Variants in PABPC1 observed in about 807,000 individuals in gnomAD.
PABPC1 encodes poly(A) binding protein cytoplasmic 1, also known as polyadenylate-binding protein 1.
In PABPC1, 4 loss-of-function variants were observed where a neutral mutation model predicts 74.0. The observed-to-expected ratio is 0.05, with a 90% CI of 0.03 to 0.12. PABPC1 has a LOEUF of 0.12. Ranked by LOEUF, PABPC1 falls within the 10% of genes least tolerant of loss-of-function variation. The pLI, the probability that PABPC1 is intolerant of heterozygous loss-of-function variation, is 1.00. For synonymous variants in PABPC1, 227 were observed against 264.1 expected (o/e 0.86, Z 1.36); for missense variants, 271 against 821.1 (o/e 0.33, Z 8.19).
rs1290425157 is a variant in PABPC1, at chr8:100,712,431, A to G, written c.903T>C (p.Leu301=). ...GACGTTCATCATCAATACCATCATCAAGATTTTTCACATAAAGATTAACAC... is the reference window on the plus strand; with the variant it reads ...GACGTTCATCATCAATACCATCATCGAGATTTTTCACATAAAGATTAACAC... The part of the protein sequence containing the change: ...YQGVNLYVKN[L]DDGIDDERLR... Residue 301 remains leucine, a synonymous_variant, in exon 7 of 15, where the codon CTT becomes CTC. Transcript: ENST00000318607. 2.5e-6 allele frequency: 4 copies of G among 1,609,468 alleles called. No individual in the cohort carries two copies. The highest frequency in any genetic ancestry group is 3.4e-6 in the Non-Finnish European group (4 of 1,177,324).
intron 11 of PABPC1, 137 bp downstream of exon 11, chr8:100,706,514 T>C (rs1810382537): frequency 3.1e-6 from 2 of 649,132 alleles, no homozygotes; most frequent in South Asian, 3.5e-5. Context: ...CCCAAACTCC[T>C]GGTCTCAAGC....
At chr8:100,720,706 G>A (rs1810798980) in intron 1 of PABPC1, among the ~76,000 whole-genome samples, 1 of 152,170 alleles carries the variant, frequency 6.6e-6, no homozygotes, top group Non-Finnish European at 1.5e-5. Context: ...TTTAATGTTA[G>A]AGAAATGCTT....
Position 100,715,154 on chromosome 8 carries a change from CACACAT to C in PABPC1, c.643+302_643+307del, listed in dbSNP as rs1272731915. Among the ~76,000 whole-genome samples the C allele has an allele frequency of 2.5e-3, 199 of 78,784 alleles. 1 individual carries two copies. The highest frequency in any genetic ancestry group is 5.4e-3 in the African/African-American group (136 of 25,270). 51.7% of individuals were successfully genotyped at this position (78,784 alleles called of 152,430 possible). A position where few individuals can be genotyped will look rare whatever the true frequency, so the allele number is the denominator to read the frequency against. Reference sequence around the variant, plus strand: ...ACACACACACACACACACACACACACACACATATATATCTCCAGCCTCTTAATGTAG... The same window carrying C: ...ACACACACACACACACACACACACACATATATCTCCAGCCTCTTAATGTAG... On this transcript the variant is annotated intron_variant, in intron 4 of 14. Coordinates refer to ENST00000318607, the MANE Select transcript of PABPC1 (RefSeq NM_002568.4).
At chr8:100,714,705 G>A (rs1233176617) in intron 4 of PABPC1, among the ~76,000 whole-genome samples, 1 of 151,908 alleles carries the variant, frequency 6.6e-6, no homozygotes. Context: ...CTCCAGCCCG[G>A]GTGACAGAGC....
chr8:100,703,112 CATTA>C lies in PABPC1; in HGVS notation c.*245_*248del, dbSNP rs1211075818. The C allele has an allele frequency of 6.1e-6, 1 of 164,896 alleles. No homozygotes were observed. Among genetic ancestry groups the C allele is most frequent in the Non-Finnish European group, 1.5e-5 (1 of 68,132 alleles). The allele number at this position is 164,896 out of a possible 1,614,324, so 10.2% of individuals were successfully genotyped here. A position where few individuals can be genotyped will look rare whatever the true frequency, so the allele number is the denominator to read the frequency against. Reference sequence around the variant, plus strand: ...ATTCTTTTTCCCAGGGTCTATAAAACATTAATTTGTTTTTATATTTTACTATTTT... The same window carrying C: ...ATTCTTTTTCCCAGGGTCTATAAAACATTTGTTTTTATATTTTACTATTTT... On this transcript the variant is annotated 3_prime_UTR_variant, in exon 15 of 15. Coordinates refer to ENST00000318607, the MANE Select transcript of PABPC1 (RefSeq NM_002568.4).
chr8:100,710,533 T>C (rs1317253812), intron 7 of PABPC1, among the ~76,000 whole-genome samples: 1 of 152,194 alleles, frequency 6.6e-6, no homozygotes, highest in Non-Finnish European at 1.5e-5. Context: ...TGAAAAAATG[T>C]AGAACTCTTA....
chr8:100,711,599 A>C (rs952543724), intron 7 of PABPC1, among the ~76,000 whole-genome samples: 1 of 152,236 alleles, frequency 6.6e-6, no homozygotes, highest in African/African-American at 2.4e-5. Flanking sequence ...ATTCTATCGT[A>C]CTCCAATACT....
At chr8:100,706,346 C>T (rs1810378304) in intron 11 of PABPC1, among the ~76,000 whole-genome samples, 1 of 152,150 alleles carries the variant, frequency 6.6e-6, no homozygotes, top group African/African-American at 2.4e-5. Context: ...GTCTTGCTGT[C>T]ACCCAGCAGG....
chr8:100,705,845 C>T (rs1020500431), intron 11 of PABPC1, among the ~76,000 whole-genome samples, 172 bp from the exon 12 acceptor site: 1 of 152,310 alleles, frequency 6.6e-6, no homozygotes, highest in East Asian at 1.9e-4. Context: ...CTATGTATCA[C>T]AGATACATTT....
Position 100,717,765 on chromosome 8 carries a change from T to C in PABPC1, c.503+8A>G. The C allele has an allele frequency of 1.4e-6, 2 of 1,406,562 alleles. No homozygotes were observed. The highest frequency in any genetic ancestry group is 2.0e-6 in the Non-Finnish European group (2 of 1,004,220). The allele number at this position is 1,406,562 out of a possible 1,614,324, so 87.1% of individuals were successfully genotyped here. A position where few individuals can be genotyped will look rare whatever the true frequency, so the allele number is the denominator to read the frequency against. ...CAAAATATGATTAGCTAGATATTTA[T>C]AACTTACACTTTGCGATCATTTAGG... is the stretch of plus-strand genomic sequence containing the variant. On this transcript the variant is annotated splice_region_variant and intron_variant, in intron 3 of 14. Transcript: ENST00000318607.
chr8:100,721,198 C>G lies in PABPC1; in HGVS notation c.193+193G>C, dbSNP rs1363649409. Among the ~76,000 whole-genome samples the G allele has an allele frequency of 6.6e-6, 1 of 151,976 alleles. No individual in the cohort carries two copies. The highest frequency in any genetic ancestry group is 1.9e-4 in the East Asian group (1 of 5,180). On this transcript the variant is annotated intron_variant, in intron 1 of 14. Transcript: ENST00000318607. The surrounding 1 kb of genome is among the most constrained non-coding windows in gnomAD (Gnocchi z 7.4). ...AAGGAGGAAGTAGCCGGGCGTGTGG[C>G]TGCCGGCAGCGCGGGTCCCCGCCGG...
chr8:100,712,906 A>C (rs1348215558), intron 5 of PABPC1, 117 bp from the exon 6 acceptor site: 3 of 1,290,768 alleles, frequency 2.3e-6, no homozygotes, highest in Non-Finnish European at 1.0e-6. Flanking sequence ...AACCCATCCC[A>C]AAATCTCAAG....
Position 100,709,206 on chromosome 8 carries a change from T to C in PABPC1, c.1263A>G (p.Ala421=), listed in dbSNP as rs369361690. The C allele has an allele frequency of 1.4e-5, 23 of 1,614,154 alleles. No homozygotes were observed. In the East Asian group the frequency reaches 4.5e-4, roughly 31 times the overall value. Residue 421 remains alanine (A), a synonymous_variant, in exon 9 of 15, where the codon GCA becomes GCG. Coordinates refer to ENST00000318607, the MANE Select transcript of PABPC1 (RefSeq NM_002568.4). ...GAGCAATTTGGCTAGGAGGATAGTA[T>C]GCAGCACGGTTCTGAGTCTGCAGGG... ...AAIPQTQNRA[A]YYPPSQIAQL...
At chr8:100,705,434 GT>G (rs1810354798) in intron 12 of PABPC1, among the ~76,000 whole-genome samples, 154 bp downstream of exon 12, 2 of 152,204 alleles carry the variant, frequency 1.3e-5, no homozygotes, top group African/African-American at 4.8e-5. Context: ...CTTTCCAGTG[GT>G]TTTAATTAGG....
intron 3 of PABPC1, among the ~76,000 whole-genome samples, chr8:100,716,546 T>C (rs1180750837): frequency 6.6e-6 from 1 of 152,214 alleles, no homozygotes; most frequent in Non-Finnish European, 1.5e-5. Context: ...AACCCAGCTT[T>C]AGAATAAAAA....
rs992270353 is a variant in PABPC1 at position 100,721,034 on chromosome 8, G to C, written c.193+357C>G. Among the ~76,000 whole-genome samples the C allele has an allele frequency of 1.4e-5, 2 of 144,248 alleles. No homozygotes were observed. The allele number at this position is 144,248 out of a possible 152,430, so 94.6% of individuals were successfully genotyped here. A position where few individuals can be genotyped will look rare whatever the true frequency, so the allele number is the denominator to read the frequency against. ...GGGAGCGCCTCCACCTCTTACCCAC[G>C]GAAGGAGCTCAGCGTTCAACGCCCC... On this transcript the variant is annotated intron_variant, in intron 1 of 14. Transcript: ENST00000318607. This position sits in a 1 kb window ranked among gnomAD's most constrained non-coding sequence, Gnocchi z 7.4.
In PABPC1 at chr8:100,718,867, A is replaced by G. The variant is rs1217078743; in HGVS notation, c.194-587T>C. ...CATGGCACAACTTCCATTTAAGAAA[A>G]TGAAAGGCTAGACCAAGATTTGAAT... On this transcript the variant is annotated intron_variant, in intron 1 of 14. Coordinates refer to ENST00000318607, the MANE Select transcript of PABPC1 (RefSeq NM_002568.4). Among the ~76,000 whole-genome samples, 5 of 152,238 alleles carry G rather than the reference A, an allele frequency of 3.3e-5. No individual in the cohort carries two copies. The South Asian group carries it at 6.2e-4, about 19-fold the overall frequency.
chr8:100,703,383 T>G (rs1810295841), intron 14 of PABPC1, 24 bp from the exon 15 acceptor site: 1 of 146,666 alleles, frequency 6.8e-6, no homozygotes, highest in Non-Finnish European at 1.5e-5. Context: ...AAAAACAAAT[T>G]AAGACCAGGA....
At chr8:100,705,747 A>T in intron 11 of PABPC1, 74 bp from the exon 12 acceptor site, 1 of 951,528 alleles carries the variant, frequency 1.1e-6, no homozygotes, top group Non-Finnish European at 1.7e-6. Flanking sequence ...ATCAATGGAC[A>T]TCTGCTGAAG....
Sources: allele counts gnomAD v4.1 joint callset (sites outside exome capture counted in the v4.1 genomes callset), GRCh38; gene constraint gnomAD v4.1.1; non-coding constraint Gnocchi (gnomAD v3.1); transcripts MANE v1.5; gene names NCBI Gene and HGNC (gene_info 2026-07-23, HGNC 2026-07-21).